Variants in RIOK2 observed in about 807,000 individuals in gnomAD.
RIOK2 encodes RIO kinase 2.
RIOK2 carries 46 observed loss-of-function variants against 62.4 expected under a neutral mutation model. The observed-to-expected ratio is 0.74, with a 90% confidence interval of 0.58 to 0.94. The LOEUF (loss-of-function observed/expected upper bound fraction) is 0.94. Among genes scored for constraint, RIOK2 ranks in the 40% least tolerant of loss-of-function variants. The pLI is 0.00. For synonymous variants in RIOK2, 197 were observed against 216.0 expected (o/e 0.91, Z 0.77); for missense variants, 574 against 658.0 (o/e 0.87, Z 1.40).
Position 97,171,395 on chromosome 5 carries a change from C to T in RIOK2, c.590G>A (p.Cys197Tyr), listed in dbSNP as rs747474224. The T allele has an allele frequency of 6.6e-7, 1 of 1,520,522 alleles. No individual in the cohort carries two copies. Among genetic ancestry groups the T allele is most frequent in the Non-Finnish European group, 8.8e-7 (1 of 1,132,392 alleles). The allele number at this position is 1,520,522 out of a possible 1,614,324, so 94.2% of individuals were successfully genotyped here. The change falls in exon 6 of 10, where the codon TGT becomes TAT. Residue 197 changes from cysteine to tyrosine, a missense_variant and splice_region_variant. Cys to Tyr is a radical substitution (Grantham distance 194). Coordinates refer to ENST00000283109, the MANE Select transcript of RIOK2 (RefSeq NM_018343.3). Reference protein sequence around the residue: ...VMELINGYPLCQIHHVEDPAS... With the variant: ...VMELINGYPLYQIHHVEDPAS... Reference sequence around the variant, plus strand: ...AGGATCTTCAACATGGTGTATCTGACATCTGAAAGTATTTTAAGCATGAAA... The same window carrying T: ...AGGATCTTCAACATGGTGTATCTGATATCTGAAAGTATTTTAAGCATGAAA...
In RIOK2 at chr5:97,165,133, A is replaced by G; in HGVS notation, c.1412T>C (p.Val471Ala). ...TGTTCTATACTGATTCATAGCTCCC[A>G]CATTTTCTTCATCTCTAAAATTAAA... ...EFRPFRDEEN[V>A]GAMNQYRTRT... Residue 471 changes from valine (V) to alanine (A), a missense_variant, in exon 9 of 10, where the codon GTG becomes GCG. Val to Ala is a moderately conservative substitution (Grantham distance 64). Coordinates refer to ENST00000283109, the MANE Select transcript of RIOK2 (RefSeq NM_018343.3). The G allele has an allele frequency of 6.9e-7, 1 of 1,457,048 alleles. No individual in the cohort carries two copies. Among genetic ancestry groups the G allele is most frequent in the Non-Finnish European group, 9.1e-7 (1 of 1,095,862 alleles). 90.3% of individuals were successfully genotyped at this position (1,457,048 alleles called of 1,614,324 possible).
In RIOK2 at chr5:97,162,008, G is replaced by A. The variant is rs2112820766; in HGVS notation, c.*1053C>T. 1 of 152,314 alleles carries A rather than the reference G, an allele frequency of 6.6e-6. No individual in the cohort carries two copies. Among genetic ancestry groups the A allele is most frequent in the South Asian group, 2.1e-4 (1 of 4,826 alleles). 9.4% of individuals were successfully genotyped at this position (152,314 alleles called of 1,614,324 possible). A position where few individuals can be genotyped will look rare whatever the true frequency, so the allele number is the denominator to read the frequency against. ...TAATTACAGGTCTTGCAAATAGCTA[G>A]TAGAGTTAATTTGGCAAAGGTGAAA... is the stretch of plus-strand genomic sequence containing the variant. On this transcript the variant is annotated 3_prime_UTR_variant, in exon 10 of 10. Coordinates refer to ENST00000283109, the MANE Select transcript of RIOK2 (RefSeq NM_018343.3).
At chr5:97,180,002 TA>T (rs1749308711) in intron 1 of RIOK2, among the ~76,000 whole-genome samples, 1 of 56,020 alleles carries the variant, frequency 1.8e-5, no homozygotes, top group South Asian at 5.5e-4. Flanking sequence ...AATATATATA[TA>T]TTATATATAT....
At chr5:97,168,878 T>C (rs759222264) in intron 6 of RIOK2, 26 bp from the exon 7 acceptor site, 16 of 1,376,754 alleles carry the variant, frequency 1.2e-5, no homozygotes, top group Non-Finnish European at 1.0e-6. Flanking sequence ...TCATTTATGA[T>C]ATAGTCTTTA....
chr5:97,177,927 A>T (rs1749216106), intron 2 of RIOK2, 79 bp from the exon 3 acceptor site: 1 of 827,100 alleles, frequency 1.2e-6, no homozygotes, highest in Admixed American at 2.4e-5. Context: ...GTCATAAGAA[A>T]GATTTAACAA....
intron 1 of RIOK2, among the ~76,000 whole-genome samples, chr5:97,181,139 G>A (rs917957950): frequency 6.6e-6 from 1 of 151,928 alleles, no homozygotes; most frequent in Non-Finnish European, 1.5e-5. Context: ...GGGCGTGGTG[G>A]TGTGCGCCTA....
chr5:97,182,708 T>A, intron 1 of RIOK2: 1 of 222,924 alleles, frequency 4.5e-6, no homozygotes, highest in South Asian at 6.1e-5. Flanking sequence ...AAATATGTGT[T>A]GACTGAATGA....
At chr5:97,178,315 T>TAA (rs2112843553) in intron 2 of RIOK2, among the ~76,000 whole-genome samples, 1 of 152,346 alleles carries the variant, frequency 6.6e-6, no homozygotes, top group East Asian at 1.9e-4. Flanking sequence ...AGCTTTATCC[T>TAA]ATATGCTCTT....
intron 8 of RIOK2, chr5:97,167,175 C>T: frequency 8.2e-7 from 1 of 1,216,332 alleles, no homozygotes; most frequent in Non-Finnish European, 1.0e-6. Flanking sequence ...CCTTGGCCTC[C>T]CAGAAGTGCT....
intron 1 of RIOK2, 103 bp downstream of exon 1, chr5:97,183,023 G>A (rs779213140): frequency 1.5e-5 from 18 of 1,228,278 alleles, no homozygotes; most frequent in African/African-American, 1.2e-4. Context: ...GCCACGTCCC[G>A]GGTCCCAGAG....
chr5:97,165,048 T>C lies in RIOK2; in HGVS notation c.1494+3A>G, dbSNP rs1259899518. The C allele has an allele frequency of 6.3e-7, 1 of 1,583,766 alleles. No individual in the cohort carries two copies. The highest frequency in any genetic ancestry group is 1.1e-5 in the South Asian group (1 of 87,854). On this transcript the variant is annotated splice_donor_region_variant and intron_variant, in intron 9 of 9. Transcript: ENST00000283109. ...ATTCAGTACATGTTGAATGACTACT[T>C]ACTGGAGGAATTGTTGAACAGCTTA...
chr5:97,161,696 C>T lies in RIOK2; in HGVS notation c.*1365G>A, dbSNP rs563730259. ...GATACTCAAAAGTCAACTGAGTCAA[C>T]TAGGTAAAGCTGAGCAGGATAAGGC... On this transcript the variant is annotated 3_prime_UTR_variant, in exon 10 of 10. Transcript: ENST00000283109. 1 of 152,198 alleles carries T rather than the reference C, an allele frequency of 6.6e-6. No individual in the cohort carries two copies. The highest frequency in any genetic ancestry group is 2.1e-4 in the South Asian group (1 of 4,828). The allele number at this position is 152,198 out of a possible 1,614,324, so 9.4% of individuals were successfully genotyped here. A position where few individuals can be genotyped will look rare whatever the true frequency, so the allele number is the denominator to read the frequency against.
Position 97,167,519 on chromosome 5 carries a change from A to G in RIOK2, c.1345T>C (p.Cys449Arg). 6.2e-7 allele frequency: 1 copy of G among 1,614,190 alleles called. No individual in the cohort carries two copies. Reference sequence around the variant, plus strand: ...GACGACAAGGCAATTAGATGAGGGCATTCATCTTCATACTCGTCAGAGCCA... The same window carrying G: ...GACGACAAGGCAATTAGATGAGGGCGTTCATCTTCATACTCGTCAGAGCCA... Reference protein sequence around the residue: ...PAGSDEYEDECPHLIALSSLN... With the variant: ...PAGSDEYEDERPHLIALSSLN... Residue 449 changes from cysteine (C) to arginine (R), a missense_variant, in exon 8 of 10, where the codon TGC becomes CGC. Transcript: ENST00000283109.
chr5:97,181,708 C>G (rs1050543941), intron 1 of RIOK2, among the ~76,000 whole-genome samples: 18 of 152,172 alleles, frequency 1.2e-4, no homozygotes, highest in African/African-American at 4.1e-4. Context: ...AAAACCTTAA[C>G]TTTTAAATTT....
intron 6 of RIOK2, among the ~76,000 whole-genome samples, chr5:97,170,774 T>C (rs1451109161): frequency 6.6e-6 from 1 of 152,184 alleles, no homozygotes; most frequent in Non-Finnish European, 1.5e-5. Flanking sequence ...AACCAGTGAC[T>C]GACCTAAATA....
chr5:97,180,134 A>ATATATATG (rs1554083588), intron 1 of RIOK2, among the ~76,000 whole-genome samples: 4 of 33,302 alleles, frequency 1.2e-4, no homozygotes, highest in African/African-American at 2.9e-4. Context: ...ATGTATATAT[A>ATATATATG]TATATATGTA....
At chr5:97,166,451 G>A (rs1748843302) in intron 8 of RIOK2, 1 of 285,072 alleles carries the variant, frequency 3.5e-6, no homozygotes, top group Non-Finnish European at 7.1e-6. Context: ...TAAGATATAA[G>A]CCCAAACATG....
At chr5:97,179,825 T>G (rs1331183708) in intron 1 of RIOK2, among the ~76,000 whole-genome samples, 16 of 83,116 alleles carry the variant, frequency 1.9e-4, no homozygotes, top group Non-Finnish European at 2.6e-4. Context: ...GGTGGGGGGC[T>G]AGGGGAGGGA....
intron 8 of RIOK2, chr5:97,166,821 T>C (rs184655799): frequency 1.0e-6 from 1 of 983,388 alleles, no homozygotes; most frequent in East Asian, 1.1e-4. Flanking sequence ...ACATCAGATG[T>C]GTAATTAGGA....
Sources: gnomAD v4.1 joint callset for allele counts (sites outside exome capture counted in the v4.1 genomes callset) on GRCh38, gnomAD v4.1.1 for gene constraint, MANE v1.5 for transcripts, NCBI Gene and HGNC (gene_info 2026-07-23, HGNC 2026-07-21) for gene names.